FAM133A: variants seen among roughly 807,000 people sequenced by gnomAD.
The protein encoded by FAM133A is protein FAM133A.
For missense variants in FAM133A, 159 were observed against 164.4 expected (o/e 0.97, Z 0.18); for synonymous variants, 65 against 58.6 (o/e 1.11, Z -0.50).
intron 2 of FAM133A, among the ~76,000 whole-genome samples, chrX:93,681,492 T>C (rs1193417785): frequency 9.0e-6 from 1 of 111,690 alleles, no homozygotes; most frequent in Non-Finnish European, 1.9e-5. Context: ...TCTATGAAAG[T>C]ATATGTTTAG....
At chrX:93,693,120 A>G (rs1003700573) in intron 2 of FAM133A, among the ~76,000 whole-genome samples, 16 of 111,534 alleles carry the variant, frequency 1.4e-4, no homozygotes, top group Admixed American at 3.8e-4. Flanking sequence ...AGAGGAAGAA[A>G]GTTAAGGGGA....
intron 2 of FAM133A, among the ~76,000 whole-genome samples, chrX:93,676,252 T>C (rs1463334707): frequency 9.0e-6 from 1 of 111,243 alleles, no homozygotes; most frequent in Admixed American, 9.6e-5. Flanking sequence ...TATGTGTTCA[T>C]TGATAAAGTC....
intron 3 of FAM133A, among the ~76,000 whole-genome samples, chrX:93,702,837 T>TAAAAAAAAAAAAAAAAAAA (rs33985910): frequency 2.3e-5 from 1 of 43,042 alleles, no homozygotes; most frequent in African/African-American, 8.7e-5. Context: ...ATAGCTATGA[T>TAAAAAAAAAAAAAAAAAAA]AAAAAAAAAA....
intron 2 of FAM133A, among the ~76,000 whole-genome samples, chrX:93,691,226 T>C (rs753732915): frequency 9.0e-6 from 1 of 111,461 alleles, no homozygotes; most frequent in African/African-American, 3.3e-5. Context: ...CCCCAACTCA[T>C]CAAAATATTC....
At chrX:93,684,465 C>A (rs112850556) in intron 2 of FAM133A, among the ~76,000 whole-genome samples, 7,778 of 111,778 alleles carry the variant, frequency 0.07, 614 homozygotes, top group African/African-American at 0.23. Flanking sequence ...AAGGGCATAT[C>A]TGCCTTGGTA....
intron 3 of FAM133A, among the ~76,000 whole-genome samples, chrX:93,702,621 A>G (rs1334877203): frequency 4.5e-5 from 5 of 110,022 alleles, no homozygotes; most frequent in Non-Finnish European, 9.5e-5. Flanking sequence ...TGTGGGCTGC[A>G]CATAGTGACT....
intron 2 of FAM133A, among the ~76,000 whole-genome samples, chrX:93,676,199 T>G (rs1293004463): frequency 9.0e-6 from 1 of 111,142 alleles, no homozygotes; most frequent in Non-Finnish European, 1.9e-5. Flanking sequence ...TGCAAACAAC[T>G]AATGAGTCGG....
At chrX:93,680,626 T>C (rs1027292376) in intron 2 of FAM133A, among the ~76,000 whole-genome samples, 1 of 111,650 alleles carries the variant, frequency 9.0e-6, no homozygotes, top group Non-Finnish European at 1.9e-5. Context: ...GTCTTTTTGA[T>C]AATAGCTGTC....
At chrX:93,685,966 G>A (rs113234489) in intron 2 of FAM133A, among the ~76,000 whole-genome samples, 56,899 of 108,193 alleles carry the variant, frequency 0.53, 11,683 homozygotes, top group Non-Finnish European at 0.64. Context: ...AAAATTAGCT[G>A]GGCGTGGTGG....
intron 2 of FAM133A, among the ~76,000 whole-genome samples, chrX:93,685,223 T>C (rs1246692745): frequency 1.8e-5 from 2 of 111,891 alleles, no homozygotes; most frequent in Non-Finnish European, 3.8e-5. Flanking sequence ...CTCTTGCTTC[T>C]AGAGACCTTT....
At chrX:93,681,287 G>GTCTATCTA (rs55666833) in intron 2 of FAM133A, among the ~76,000 whole-genome samples, 43,907 of 104,459 alleles carry the variant, frequency 0.42, 7,495 homozygotes, top group Admixed American at 0.5. Flanking sequence ...GATATATTCT[G>GTCTATCTA]TCTATCTATC....
intron 3 of FAM133A, among the ~76,000 whole-genome samples, chrX:93,706,772 A>G (rs891075779): frequency 9.0e-6 from 1 of 111,254 alleles, no homozygotes; most frequent in African/African-American, 3.3e-5. Flanking sequence ...TCTTCTCAAC[A>G]TGTCTCATAT....
chrX:93,683,991 A>G (rs1192957781), intron 2 of FAM133A, among the ~76,000 whole-genome samples: 2 of 111,631 alleles, frequency 1.8e-5, no homozygotes, highest in Admixed American at 9.5e-5. Flanking sequence ...TGCTGTGCAT[A>G]AGCTGTTTAG....
chrX:93,683,468 A>G (rs1925300105), intron 2 of FAM133A, among the ~76,000 whole-genome samples: 1 of 111,960 alleles, frequency 8.9e-6, no homozygotes, highest in South Asian at 3.7e-4. Context: ...CCTGTCTCAT[A>G]AATTATGGAA....
At chrX:93,695,634 CTTTTTT>C (rs759503397) in intron 2 of FAM133A, among the ~76,000 whole-genome samples, 8 of 48,369 alleles carry the variant, frequency 1.7e-4, no homozygotes, top group Admixed American at 3.5e-4. Flanking sequence ...CAGGAATCTG[CTTTTTT>C]TTTTTTTTTT....
At chrX:93,676,909 A>T (rs1219549808) in intron 2 of FAM133A, among the ~76,000 whole-genome samples, 1 of 85,672 alleles carries the variant, frequency 1.2e-5, no homozygotes, top group Non-Finnish European at 2.2e-5. Context: ...ATCTTGTAAC[A>T]CACTTATTTT....
chrX:93,697,902 G>A (rs1362281618), intron 2 of FAM133A, among the ~76,000 whole-genome samples: 1 of 111,353 alleles, frequency 9.0e-6, no homozygotes, highest in Non-Finnish European at 1.9e-5. Flanking sequence ...CTTAGGGTGG[G>A]GAAAATTATT....
chrX:93,696,070 T>C (rs781640754), intron 2 of FAM133A, among the ~76,000 whole-genome samples: 11 of 112,000 alleles, frequency 9.8e-5, no homozygotes, highest in Non-Finnish European at 2.1e-4. Flanking sequence ...CAAAATTTCA[T>C]GGGTTTCTGT....
chrX:93,677,370 A>G (rs1569343572), intron 2 of FAM133A, among the ~76,000 whole-genome samples: 2 of 111,567 alleles, frequency 1.8e-5, no homozygotes, highest in Non-Finnish European at 3.8e-5. Flanking sequence ...GTAGGTATCT[A>G]AGAAGCAAAG....
Sources: allele counts gnomAD v4.1 joint callset (sites outside exome capture counted in the v4.1 genomes callset), GRCh38; gene constraint gnomAD v4.1.1; transcripts MANE v1.5; gene names NCBI Gene and HGNC (gene_info 2026-07-23, HGNC 2026-07-21).